Variants in ITPR1 observed in about 807,000 individuals in gnomAD.
ITPR1 encodes the protein inositol 1,4,5-trisphosphate receptor type 1, also known as inositol 1,4,5-trisphosphate-gated calcium channel ITPR1.
Under a neutral mutation model 318.4 loss-of-function variants are expected in ITPR1, and 96 were observed. The observed-to-expected ratio is 0.30, with a 90% CI of 0.26 to 0.36. The LOEUF is 0.36. Ranked by LOEUF, ITPR1 falls within the 10% of genes least tolerant of loss-of-function variation. ITPR1 has a pLI of 1.00. For synonymous variants in ITPR1, 1,312 were observed against 1,289.9 expected (o/e 1.02, Z -0.37); for missense variants, 2,440 against 3,460.2 (o/e 0.71, Z 7.40).
At chr3:4,505,553 A>G (rs1024837836) in intron 2 of ITPR1, among the ~76,000 whole-genome samples, 1 of 152,226 alleles carries the variant, frequency 6.6e-6, no homozygotes, top group Admixed American at 6.5e-5. Flanking sequence ...CCAGCACCAA[A>G]GGACGTTGGC....
chr3:4,750,362 A>G, intron 44 of ITPR1: 1 of 152,132 alleles, frequency 6.6e-6, no homozygotes, highest in African/African-American at 2.4e-5. Context: ...GATGATTCCT[A>G]TCTGGATTAA....
At chr3:4,580,541 G>A (rs1401236259) in intron 4 of ITPR1, among the ~76,000 whole-genome samples, 2 of 152,162 alleles carry the variant, frequency 1.3e-5, no homozygotes, top group East Asian at 3.9e-4. Flanking sequence ...CAAGTGATAC[G>A]GGGAGGTGAC....
chr3:4,768,898 C>T (rs542797956), intron 46 of ITPR1, 134 bp downstream of exon 46: 313 of 819,916 alleles, frequency 3.8e-4, no homozygotes, highest in Middle Eastern at 2.8e-3. Context: ...CTTTTTTTTC[C>T]TTTTTCTTTT....
chr3:4,739,186 T>C (rs1245455960), intron 44 of ITPR1, among the ~76,000 whole-genome samples: 1 of 152,226 alleles, frequency 6.6e-6, no homozygotes, highest in Admixed American at 6.5e-5. Context: ...TTCAGAGTAG[T>C]AAGTGGCCAG....
intron 59 of ITPR1, 124 bp downstream of exon 59, chr3:4,815,342 T>A: frequency 1.2e-6 from 1 of 813,532 alleles, no homozygotes. Flanking sequence ...CACCGGCTGC[T>A]GCTTCGTCTT....
At chr3:4,584,781 G>T (rs890874421) in intron 4 of ITPR1, among the ~76,000 whole-genome samples, 1 of 151,912 alleles carries the variant, frequency 6.6e-6, no homozygotes, top group African/African-American at 2.4e-5. Flanking sequence ...AAAGACCCCC[G>T]TTCATCTCCC....
At chr3:4,501,149 A>G (rs1397309160) in intron 2 of ITPR1, among the ~76,000 whole-genome samples, 4 of 150,410 alleles carry the variant, frequency 2.7e-5, no homozygotes, top group Admixed American at 6.7e-5. Context: ...GGTGTGAGTC[A>G]CCGGGCCCAG....
intron 2 of ITPR1, among the ~76,000 whole-genome samples, chr3:4,505,616 A>G (rs1334127548): frequency 6.6e-6 from 1 of 152,198 alleles, no homozygotes. Context: ...GCCAAGAAAG[A>G]ATGGGGAAGG....
Position 4,593,362 on chromosome 3 carries a change from T to A in ITPR1, c.164-34401T>A, listed in dbSNP as rs190673173. On this transcript the variant is annotated intron_variant, in intron 4 of 61. Transcript: ENST00000649015. The stretch of plus-strand genomic sequence containing the variant: ...AAGGTCACATTTAGCTCTAAAACTT[T>A]ATGCTGTCATTTAGGCTACTCCTTC... 7.6e-4 allele frequency among the ~76,000 whole-genome samples: 116 copies of A among 152,334 alleles called. 1 individual carries two copies. The highest frequency in any genetic ancestry group is 2.5e-3 in the African/African-American group (104 of 41,572).
In ITPR1 at chr3:4,516,592, A is replaced by C. The variant is rs760334522; in HGVS notation, c.92+9A>C. The C allele has an allele frequency of 6.4e-7, 1 of 1,556,548 alleles. No homozygotes were observed. Among genetic ancestry groups the C allele is most frequent in the South Asian group, 1.2e-5 (1 of 86,894 alleles). ...TTTATTAGCACCTTGGGGTAAGAGC[A>C]TGCAATTTCTTGTGTGGCACGGTTT... On this transcript the variant is annotated intron_variant, in intron 3 of 61. Transcript: ENST00000649015.
At chr3:4,776,251 T>C (rs2046477527) in intron 47 of ITPR1, among the ~76,000 whole-genome samples, 1 of 152,166 alleles carries the variant, frequency 6.6e-6, no homozygotes, top group South Asian at 2.1e-4. Context: ...TGTATTTTTT[T>C]AGTAGAGATG....
At chr3:4,623,415 A>G (rs1478327927) in intron 4 of ITPR1, among the ~76,000 whole-genome samples, 1 of 152,156 alleles carries the variant, frequency 6.6e-6, no homozygotes, top group Admixed American at 6.5e-5. Flanking sequence ...TTATTCCTCA[A>G]AGGCCTAAAA....
chr3:4,846,118 T>C, intron 61 of ITPR1, 21 bp from the exon 62 acceptor site: 1 of 1,474,842 alleles, frequency 6.8e-7, no homozygotes, highest in Non-Finnish European at 9.3e-7. Context: ...GGTCTAATGA[T>C]GAAACTTTTT....
chr3:4,523,904 G>A (rs916375536), intron 4 of ITPR1, among the ~76,000 whole-genome samples: 1 of 152,160 alleles, frequency 6.6e-6, no homozygotes, highest in African/African-American at 2.4e-5. Context: ...TTGAGATAAC[G>A]GTAATAGTCT....
At chr3:4,712,796 G>C (rs1282019408) in intron 39 of ITPR1, among the ~76,000 whole-genome samples, 1 of 152,150 alleles carries the variant, frequency 6.6e-6, no homozygotes, top group African/African-American at 2.4e-5. Context: ...GAGACTCCTT[G>C]GATAAGAAAA....
At chr3:4,743,991 C>T (rs1210037191) in intron 44 of ITPR1, among the ~76,000 whole-genome samples, 3 of 152,116 alleles carry the variant, frequency 2.0e-5, no homozygotes, top group Admixed American at 6.5e-5. Context: ...CCCACCCCCA[C>T]GCCCAGCTAA....
At chr3:4,672,193 G>T (rs2094102107) in intron 20 of ITPR1, among the ~76,000 whole-genome samples, 1 of 152,184 alleles carries the variant, frequency 6.6e-6, no homozygotes, top group Non-Finnish European at 1.5e-5. Context: ...TGGGCTTGGA[G>T]GATATTCATA....
chr3:4,683,333 G>T, intron 26 of ITPR1, 53 bp from the exon 27 acceptor site: 1 of 1,597,282 alleles, frequency 6.3e-7, no homozygotes. Context: ...CAAGGGGCGT[G>T]AGAGGAGGCA....
intron 4 of ITPR1, among the ~76,000 whole-genome samples, chr3:4,561,819 C>G (rs1354711624): frequency 6.6e-6 from 1 of 151,924 alleles, no homozygotes; most frequent in Non-Finnish European, 1.5e-5. Flanking sequence ...AAAATATAAA[C>G]AGATAACTGT....
Sources: gnomAD v4.1 joint callset for allele counts (sites outside exome capture counted in the v4.1 genomes callset) on GRCh38, gnomAD v4.1.1 for gene constraint, MANE v1.5 for transcripts, NCBI Gene and HGNC (gene_info 2026-07-23, HGNC 2026-07-21) for gene names.